Variants in CACNA1D observed in about 807,000 individuals in gnomAD.
The protein encoded by CACNA1D is voltage-dependent L-type calcium channel subunit alpha-1D.
A neutral mutation model predicts 257.1 loss-of-function variants in CACNA1D; 55 were observed. The observed-to-expected ratio is 0.21, with a 90% CI of 0.17 to 0.27. The LOEUF (loss-of-function observed/expected upper bound fraction) is 0.27, where lower values mean the gene tolerates loss of function less well. Among genes scored for constraint, CACNA1D ranks in the 10% least tolerant of loss-of-function variants. CACNA1D has a pLI of 1.00. For synonymous variants in CACNA1D, 980 were observed against 1,014.9 expected, an observed-to-expected ratio of 0.97 and a Z score of 0.65; for missense variants, 1,876 against 2,784.0, an observed-to-expected ratio of 0.67 and a Z score of 7.34.
chr3:53,689,027 CTGTCCCCCTTTGGCT>C (rs2094496855), intron 8 of CACNA1D, among the ~76,000 whole-genome samples: 1 of 151,898 alleles, frequency 6.6e-6, no homozygotes, highest in Admixed American at 6.6e-5. Flanking sequence ...CAGCTGCACT[CTGTCCCCCTTTGGCT>C]ATCAGTCAAG....
At chr3:53,725,559 A>G (rs2094927705) in intron 14 of CACNA1D, among the ~76,000 whole-genome samples, 1 of 152,134 alleles carries the variant, frequency 6.6e-6, no homozygotes, top group South Asian at 2.1e-4. Flanking sequence ...GTATTAGCTC[A>G]TTGTCTTCAC....
At chr3:53,647,530 A>T (rs757442902) in intron 3 of CACNA1D, among the ~76,000 whole-genome samples, 13 of 151,944 alleles carry the variant, frequency 8.6e-5, no homozygotes, top group Non-Finnish European at 1.5e-5. Context: ...GTCACCTCTC[A>T]CCTAGCTGTT....
chr3:53,711,933 G>A (rs370797893), intron 9 of CACNA1D, among the ~76,000 whole-genome samples: 15 of 152,190 alleles, frequency 9.9e-5, no homozygotes, highest in South Asian at 6.2e-4. Context: ...TAGCATTCAC[G>A]GAAGGTTTAT....
chr3:53,681,468 C>G (rs990530719), intron 8 of CACNA1D, among the ~76,000 whole-genome samples: 1 of 152,126 alleles, frequency 6.6e-6, no homozygotes, highest in Admixed American at 6.5e-5. Flanking sequence ...ATGACTTATT[C>G]ATTTAATGAA....
intron 5 of CACNA1D, among the ~76,000 whole-genome samples, chr3:53,660,627 C>G (rs2108329490): frequency 6.6e-6 from 1 of 152,128 alleles, no homozygotes; most frequent in East Asian, 1.9e-4. Flanking sequence ...CCAGGCCTGC[C>G]CCTCTGAAAG....
intron 26 of CACNA1D, 59 bp from the exon 27 acceptor site, chr3:53,749,205 AGCGG>A (rs2095202095): frequency 1.7e-6 from 2 of 1,182,792 alleles, no homozygotes; most frequent in African/African-American, 3.0e-5. Flanking sequence ...CTGGGAAGGC[AGCGG>A]GCTGGGCCGT....
intron 32 of CACNA1D, among the ~76,000 whole-genome samples, chr3:53,770,760 A>G (rs543987993): frequency 3.9e-5 from 6 of 152,330 alleles, no homozygotes; most frequent in Admixed American, 6.5e-5. Context: ...ACAGAAGAGA[A>G]AGCAGGAAGG....
At position 53,786,920 on chromosome 3, in the gene CACNA1D, T is replaced by A; in HGVS notation, c.4891T>A (p.Tyr1631Asn). Residue 1631 changes from tyrosine to asparagine, a missense_variant, in exon 40 of 48, where the codon TAC becomes AAC. Tyr to Asn is a moderately radical substitution (Grantham distance 143). Transcript: ENST00000350061. ...GAAAGAACAAGGACTGGTGGGAAAG[T>A]ACCCTGCGAAGAACACCACAATTGC... Reference protein sequence around the residue: ...KRKEQGLVGKYPAKNTTIALQ... With the variant: ...KRKEQGLVGKNPAKNTTIALQ... 4 of 1,614,118 alleles carry A rather than the reference T, an allele frequency of 2.5e-6. No homozygotes were observed. The East Asian group carries it at 8.9e-5, about 36-fold the overall frequency.
chr3:53,752,037 T>G, intron 28 of CACNA1D, 130 bp downstream of exon 28: 1 of 879,504 alleles, frequency 1.1e-6, no homozygotes, highest in Non-Finnish European at 1.9e-6. Context: ...GGCTATAGGT[T>G]GGCCAGAGTT....
intron 3 of CACNA1D, among the ~76,000 whole-genome samples, chr3:53,579,641 A>G (rs1238816740): frequency 6.6e-6 from 1 of 152,222 alleles, no homozygotes; most frequent in Non-Finnish European, 1.5e-5. Context: ...TTTCAAAAAC[A>G]TACTCCCAGT....
At chr3:53,505,207 C>T (rs1257166545) in intron 3 of CACNA1D, among the ~76,000 whole-genome samples, 1 of 137,422 alleles carries the variant, frequency 7.3e-6, no homozygotes, top group East Asian at 2.2e-4. Flanking sequence ...CTCTGGGGTT[C>T]ATACCTCTCT....
At chr3:53,585,635 G>A (rs903676295) in intron 3 of CACNA1D, among the ~76,000 whole-genome samples, 19 of 151,872 alleles carry the variant, frequency 1.3e-4, no homozygotes, top group Admixed American at 7.9e-4. Flanking sequence ...CCTTGTCTGG[G>A]GCGGCCCTGT....
In CACNA1D at chr3:53,800,363, A is replaced by G; in HGVS notation, c.5038A>G (p.Lys1680Glu). The change falls in exon 41 of 48, where the codon AAA becomes GAA. Residue 1680 changes from lysine to glutamate, a missense_variant and splice_region_variant. Lys to Glu is a moderately conservative substitution (Grantham distance 56, BLOSUM62 1). Around this residue, in one of 10 missense-constraint regions of CACNA1D, gnomAD observed 160 missense variants for 236.6 expected, o/e 0.68. Coordinates refer to ENST00000350061, the MANE Select transcript of CACNA1D (RefSeq NM_001128840.3). The surrounding 1 kb of genome is among the most constrained non-coding windows in gnomAD (Gnocchi z 4.3). ...ACGAGAAGAAGAAGATGATGTGTTC[A>G]AAGTAATTATTCCACGCCTAGCTAC... ...TKREEEDDVF[K>E]RNGALLGNHV... 6.3e-7 allele frequency: 1 copy of G among 1,594,236 alleles called. No homozygotes were observed. The highest frequency in any genetic ancestry group is 8.6e-7 in the Non-Finnish European group (1 of 1,161,700).
chr3:53,649,399 A>G (rs760536012), intron 3 of CACNA1D, among the ~76,000 whole-genome samples: 28 of 152,200 alleles, frequency 1.8e-4, no homozygotes, highest in Non-Finnish European at 1.2e-4. Context: ...TCCCCCTGGA[A>G]TCCGTTGTGA....
At chr3:53,587,493 A>G (rs2093239309) in intron 3 of CACNA1D, among the ~76,000 whole-genome samples, 1 of 152,128 alleles carries the variant, frequency 6.6e-6, no homozygotes, top group Non-Finnish European at 1.5e-5. Context: ...ATTTTGGGAC[A>G]TGCTGAGTTT....
intron 3 of CACNA1D, among the ~76,000 whole-genome samples, chr3:53,632,363 G>A (rs1483812956): frequency 1.3e-5 from 2 of 152,222 alleles, no homozygotes; most frequent in Admixed American, 1.3e-4. Flanking sequence ...AAGAGAGTTA[G>A]GGCCTTGCTC....
intron 3 of CACNA1D, among the ~76,000 whole-genome samples, chr3:53,632,967 A>T (rs1347703877): frequency 6.6e-6 from 1 of 152,262 alleles, no homozygotes; most frequent in Non-Finnish European, 1.5e-5. Flanking sequence ...ACACAGAGAC[A>T]CAAAGTGAGC....
At position 53,776,063 on chromosome 3, in the gene CACNA1D, C is replaced by T; in HGVS notation, c.4362+18C>T. On this transcript the variant is annotated intron_variant, in intron 35 of 47. Coordinates refer to ENST00000350061, the MANE Select transcript of CACNA1D (RefSeq NM_001128840.3). ...CATTTCTGGTAAGTGAGCAACACAG[C>T]TCCCCCTCTCAATTTACAGATGCTT... 2.5e-6 allele frequency: 4 copies of T among 1,608,812 alleles called. No homozygotes were observed. The highest frequency in any genetic ancestry group is 3.4e-6 in the Non-Finnish European group (4 of 1,175,410).
intron 8 of CACNA1D, among the ~76,000 whole-genome samples, chr3:53,694,871 G>A (rs894526318): frequency 2.2e-4 from 33 of 152,142 alleles, no homozygotes; most frequent in African/African-American, 7.0e-4. Context: ...GACCCTGGGC[G>A]ATGCAGTCAC....
Sources: gnomAD v4.1 joint callset for allele counts (sites outside exome capture counted in the v4.1 genomes callset) on GRCh38, gnomAD v4.1.1 for gene constraint, gnomAD v4.1.1 regional missense constraint, Gnocchi (gnomAD v3.1) non-coding constraint, MANE v1.5 for transcripts, NCBI Gene and HGNC (gene_info 2026-07-23, HGNC 2026-07-21) for gene names.